The following ATM variants were observed in gnomAD, a reference collection of about 807,000 sequenced individuals.
ATM encodes ATM serine/threonine kinase.
In ATM, 308 loss-of-function variants were observed where a neutral mutation model predicts 387.0. The observed-to-expected ratio is 0.80, with a 90% confidence interval of 0.73 to 0.87. The LOEUF (loss-of-function observed/expected upper bound fraction) is 0.87. Ranked by LOEUF, ATM falls within the 40% of genes least tolerant of loss-of-function variation. The pLI is 0.00. For missense variants in ATM, 3,312 were observed against 3,560.9 expected (o/e 0.93, Z 1.78); for synonymous variants, 1,156 against 1,187.3 (o/e 0.97, Z 0.54).
rs876659067 is a variant in ATM, at chr11:108,281,103, C to G, written c.3511C>G (p.Gln1171Glu). ...VLSCSPICEKQALFALCKSVK... is the reference protein window; with the variant it reads ...VLSCSPICEKEALFALCKSVK... ...ATCCTGTAGCCCTATCTGCGAAAAACAGGCTTTGTTTGCCCTGTGTAAATC... is the reference window on the plus strand; with the variant it reads ...ATCCTGTAGCCCTATCTGCGAAAAAGAGGCTTTGTTTGCCCTGTGTAAATC... The change falls in exon 24 of 63, where the codon CAG becomes GAG. Residue 1171 changes from glutamine (Q) to glutamate (E), a missense_variant. Physicochemically the swap from Gln to Glu is conservative, Grantham distance 29. Around this residue, in one of 4 missense-constraint regions of ATM, gnomAD observed 1,791 missense variants for 1,804.5 expected, o/e 0.99. Transcript: ENST00000675843. 2 of 1,613,892 alleles carry G rather than the reference C, an allele frequency of 1.2e-6. No individual in the cohort carries two copies. The highest frequency in any genetic ancestry group is 1.7e-4 in the Middle Eastern group (1 of 6,060).
At position 108,325,292 on chromosome 11, in the gene ATM, C is replaced by CT. The variant is rs1565517900; in HGVS notation, c.6573-17dup. ...TTCATTTCTCTTGCTTACATGAACT[C>CT]TATGTCGTGGCATTCAGATCAGTCA... On this transcript the variant is annotated splice_polypyrimidine_tract_variant and intron_variant, in intron 45 of 62. Transcript: ENST00000675843. 6.4e-6 allele frequency: 6 copies of CT among 935,108 alleles called. No homozygotes were observed. The East Asian group carries it at 1.3e-4, about 20-fold the overall frequency. The allele number at this position is 935,108 out of a possible 1,614,324, so 57.9% of individuals were successfully genotyped here.
At chr11:108,250,374 A>G (rs1188704317) in intron 9 of ATM, among the ~76,000 whole-genome samples, 2 of 152,054 alleles carry the variant, frequency 1.3e-5, no homozygotes, top group Non-Finnish European at 2.9e-5. Context: ...GCTGGTCTCA[A>G]ACTCCTAACC....
At chr11:108,316,214 T>C (rs2084635905) in intron 42 of ATM, 101 bp downstream of exon 42, 6 of 1,102,882 alleles carry the variant, frequency 5.4e-6, no homozygotes, top group East Asian at 2.5e-5. Context: ...ACTCTAGAGA[T>C]AAGACTAGAA....
intron 16 of ATM, among the ~76,000 whole-genome samples, chr11:108,263,658 CA>C (rs2081044498): frequency 1.3e-5 from 2 of 149,472 alleles, no homozygotes; most frequent in South Asian, 4.2e-4. Context: ...AATAGAGACA[CA>C]AAAAACCCTT....
intron 61 of ATM, among the ~76,000 whole-genome samples, chr11:108,361,161 A>T (rs2137672045): frequency 7.8e-6 from 1 of 128,742 alleles, no homozygotes; most frequent in East Asian, 2.1e-4. Context: ...CAACAGACAA[A>T]CAGAGAGCCA....
In ATM at chr11:108,250,779, A is replaced by G. The variant is rs770573462; in HGVS notation, c.1314A>G (p.Ile438Met). Residue 438 changes from isoleucine (I) to methionine (M), a missense_variant, in exon 10 of 63, where the codon ATA becomes ATG. Transcript: ENST00000675843. ...PNCELSPLLM[I>M]LSQLLPQQRH... ...GTGAGCTGTCTCCATTACTGATGATACTATCTCAGCTTCTACCCCAACAGC... is the reference window on the plus strand; with the variant it reads ...GTGAGCTGTCTCCATTACTGATGATGCTATCTCAGCTTCTACCCCAACAGC... 4.3e-6 allele frequency: 7 copies of G among 1,613,392 alleles called. No homozygotes were observed. The South Asian group carries it at 7.7e-5, about 18-fold the overall frequency.
rs868657857 is a variant in ATM at position 108,285,329 on chromosome 11, T to G, written c.3993+856T>G. On this transcript the variant is annotated intron_variant, in intron 26 of 62. Coordinates refer to ENST00000675843, the MANE Select transcript of ATM (RefSeq NM_000051.4). ...AGTATACATTTTTCTCTCTTTTTTT[T>G]TTTTTGGCTGATGTATCTCTAATAT... Among the ~76,000 whole-genome samples, 1,217 of 152,192 alleles carry G rather than the reference T, an allele frequency of 8.0e-3. 9 individuals carry two copies. The highest frequency in any genetic ancestry group is 0.025 in the African/African-American group (1,041 of 41,524).
At position 108,229,261 on chromosome 11, in the gene ATM, G is replaced by A. The variant is rs2135035925; in HGVS notation, c.269G>A (p.Arg90Lys). Reference protein sequence around the residue: ...PNVSASTQASRQKKMQEISSL... With the variant: ...PNVSASTQASKQKKMQEISSL... ...GTATCAGCCTCAACACAAGCCTCCA[G>A]GCAGAAAAAGATGCAGGAAATCAGT... The change falls in exon 4 of 63, where the codon AGG becomes AAG. Residue 90 changes from arginine to lysine, a missense_variant. Arg to Lys is a conservative substitution (Grantham distance 26). This residue lies in a region of ATM where 1,791 missense variants were observed against 1,804.5 expected (regional missense o/e 0.99). Transcript: ENST00000675843. 6.2e-7 allele frequency: 1 copy of A among 1,613,712 alleles called. No homozygotes were observed. The highest frequency in any genetic ancestry group is 8.5e-7 in the Non-Finnish European group (1 of 1,179,824).
At position 108,312,487 on chromosome 11, in the gene ATM, A is replaced by G. The variant is rs1201228506; in HGVS notation, c.5995A>G (p.Ile1999Val). ...LSEKSKEETGISLQDLLLEIY... is the reference protein window; with the variant it reads ...LSEKSKEETGVSLQDLLLEIY... ...TGAAAAAAGTAAAGAAGAAACTGGAATAAGTTTACAGGTAAATATTAGAGG... is the reference window on the plus strand; with the variant it reads ...TGAAAAAAGTAAAGAAGAAACTGGAGTAAGTTTACAGGTAAATATTAGAGG... Residue 1999 changes from isoleucine to valine, a missense_variant, in exon 40 of 63, where the codon ATA becomes GTA. Ile to Val is a conservative substitution (Grantham distance 29). Transcript: ENST00000675843. The G allele has an allele frequency of 1.3e-6, 2 of 1,565,294 alleles. No individual in the cohort carries two copies. The highest frequency in any genetic ancestry group is 1.8e-6 in the Non-Finnish European group (2 of 1,135,938).
intron 38 of ATM, 63 bp downstream of exon 38, chr11:108,308,047 T>C (rs2135980364): frequency 6.9e-7 from 1 of 1,442,468 alleles, no homozygotes; most frequent in Non-Finnish European, 9.7e-7. Context: ...AACTATCGGC[T>C]GAATTTTAAC....
intron 16 of ATM, among the ~76,000 whole-genome samples, chr11:108,260,811 G>A (rs1314944941): frequency 1.3e-5 from 2 of 152,224 alleles, no homozygotes; most frequent in Admixed American, 6.5e-5. Flanking sequence ...AGCAGGGCGA[G>A]GCATTGCCTC....
At chr11:108,327,568 T>A (rs1006953772) in intron 47 of ATM, 77 bp from the exon 48 acceptor site, 2 of 1,230,344 alleles carry the variant, frequency 1.6e-6, no homozygotes, top group Non-Finnish European at 2.4e-6. Context: ...AACCTGCTTT[T>A]TTCCCCGTAC....
chr11:108,348,148 T>G (rs1420471611), intron 59 of ATM, among the ~76,000 whole-genome samples: 4 of 152,094 alleles, frequency 2.6e-5, no homozygotes, highest in African/African-American at 9.7e-5. Context: ...GCTCATTATT[T>G]TGAAGTATTA....
At chr11:108,316,286 CA>C (rs1185696991) in intron 42 of ATM, among the ~76,000 whole-genome samples, 173 bp downstream of exon 42, 3 of 150,690 alleles carry the variant, frequency 2.0e-5, no homozygotes, top group East Asian at 3.9e-4. Context: ...CAGAGGGATG[CA>C]AAAAAAAGAG....
At chr11:108,354,058 TACACACACACAAACACAC>T (rs1459531339) in intron 60 of ATM, among the ~76,000 whole-genome samples, 178 bp downstream of exon 60, 21 of 67,054 alleles carry the variant, frequency 3.1e-4, no homozygotes, top group South Asian at 1.1e-3. Flanking sequence ...TCTAAAAAAA[TACACACACACAAACACAC>T]ACACACACAC....
intron 4 of ATM, 50 bp downstream of exon 4, chr11:108,229,373 CGTGA>C (rs2078899741): frequency 1.5e-6 from 2 of 1,360,170 alleles, no homozygotes; most frequent in African/African-American, 3.2e-5. Flanking sequence ...ATTACTGTCG[CGTGA>C]GTTTTTTTTT....
intron 5 of ATM, 173 bp downstream of exon 5, chr11:108,236,007 C>A: frequency 1.5e-6 from 1 of 689,110 alleles, no homozygotes; most frequent in Non-Finnish European, 2.5e-6. Flanking sequence ...TATTATGTAG[C>A]TTTTGAATAA....
intron 59 of ATM, among the ~76,000 whole-genome samples, chr11:108,351,550 T>C (rs147124269): frequency 6.4e-4 from 98 of 152,322 alleles, no homozygotes; most frequent in African/African-American, 2.3e-3. Flanking sequence ...GCTGGAGTTA[T>C]CTTAAGACTC....
intron 27 of ATM, among the ~76,000 whole-genome samples, 176 bp from the exon 28 acceptor site, chr11:108,288,801 T>A (rs998296422): frequency 6.6e-6 from 1 of 152,210 alleles, no homozygotes; most frequent in African/African-American, 2.4e-5. Flanking sequence ...ATCTGATTTA[T>A]ATATCTGGAC....
Sources: allele counts gnomAD v4.1 joint callset (sites outside exome capture counted in the v4.1 genomes callset), GRCh38; gene constraint gnomAD v4.1.1; regional missense constraint gnomAD v4.1.1; transcripts MANE v1.5; gene names NCBI Gene and HGNC (gene_info 2026-07-23, HGNC 2026-07-21).